LRRC4C: variants seen among roughly 807,000 people sequenced by gnomAD.
LRRC4C encodes leucine rich repeat containing 4C, also known as leucine-rich repeat-containing protein 4C.
LRRC4C carries 5 observed loss-of-function variants against 33.6 expected under a neutral mutation model. The ratio of observed to expected loss-of-function variants is 0.15; its 90% CI spans 0.08 to 0.31. The LOEUF is 0.31. LRRC4C is among the 10% of genes least tolerant of loss of function. LRRC4C has a pLI of 1.00. For missense variants in LRRC4C, 560 were observed against 796.7 expected, an observed-to-expected ratio of 0.70 and a Z score of 3.58; for synonymous variants, 329 against 302.0, an observed-to-expected ratio of 1.09 and a Z score of -0.93.
intron 2 of LRRC4C, among the ~76,000 whole-genome samples, chr11:40,928,279 T>C (rs985564100): frequency 6.6e-6 from 1 of 150,790 alleles, no homozygotes; most frequent in African/African-American, 2.4e-5. Context: ...TATATATTTC[T>C]AAAATAAATA....
intron 3 of LRRC4C, among the ~76,000 whole-genome samples, chr11:40,412,198 TA>T (rs1259938690): frequency 6.6e-6 from 1 of 152,044 alleles, no homozygotes; most frequent in Non-Finnish European, 1.5e-5. Context: ...AATTTTGTCT[TA>T]AAAAACTGCA....
chr11:41,083,045 C>T (rs1939695103), intron 1 of LRRC4C, among the ~76,000 whole-genome samples: 1 of 152,066 alleles, frequency 6.6e-6, no homozygotes, highest in East Asian at 1.9e-4. Context: ...AGAAGCCCTA[C>T]AAGCCTACTA....
At chr11:40,998,220 T>C (rs1854117850) in intron 1 of LRRC4C, among the ~76,000 whole-genome samples, 1 of 151,310 alleles carries the variant, frequency 6.6e-6, no homozygotes, top group South Asian at 2.1e-4. Flanking sequence ...TTTAAAAATA[T>C]TAAAATTGAT....
intron 3 of LRRC4C, among the ~76,000 whole-genome samples, chr11:40,340,512 T>C (rs947622024): frequency 4.6e-5 from 7 of 152,150 alleles, no homozygotes; most frequent in Non-Finnish European, 1.0e-4. Context: ...ATTTGGAATA[T>C]AATATTAATA....
chr11:40,348,678 A>T (rs1447727985), intron 3 of LRRC4C, among the ~76,000 whole-genome samples: 1 of 152,176 alleles, frequency 6.6e-6, no homozygotes, highest in East Asian at 1.9e-4. Context: ...ACCCATGCAA[A>T]CTAAAAGATG....
intron 2 of LRRC4C, among the ~76,000 whole-genome samples, chr11:40,653,535 A>G (rs1942928778): frequency 6.6e-6 from 1 of 152,232 alleles, no homozygotes; most frequent in Non-Finnish European, 1.5e-5. Context: ...TCTAAGCAAC[A>G]AAGCATTCAA....
intron 1 of LRRC4C, among the ~76,000 whole-genome samples, chr11:41,406,631 T>G (rs1591447769): frequency 6.6e-6 from 1 of 151,626 alleles, no homozygotes; most frequent in Admixed American, 6.6e-5. Flanking sequence ...CATCTCATAT[T>G]ACTAGGTTTT....
chr11:40,990,899 G>C (rs1277653344), intron 1 of LRRC4C, among the ~76,000 whole-genome samples: 1 of 151,530 alleles, frequency 6.6e-6, no homozygotes, highest in Non-Finnish European at 1.5e-5. Context: ...TTTTATACAA[G>C]GAAGTACAAA....
chr11:40,252,729 T>C (rs1866886793), intron 4 of LRRC4C, among the ~76,000 whole-genome samples: 1 of 152,178 alleles, frequency 6.6e-6, no homozygotes, highest in African/African-American at 2.4e-5. Context: ...AAAATTCCTA[T>C]ATGGCTCCAA....
chr11:41,011,582 G>C (rs945177266), intron 1 of LRRC4C, among the ~76,000 whole-genome samples: 1 of 151,736 alleles, frequency 6.6e-6, no homozygotes, highest in Non-Finnish European at 1.5e-5. Flanking sequence ...TTAACAAAGG[G>C]TGTATGGTTA....
At chr11:41,006,974 T>A (rs1167347392) in intron 1 of LRRC4C, among the ~76,000 whole-genome samples, 1 of 152,140 alleles carries the variant, frequency 6.6e-6, no homozygotes, top group Non-Finnish European at 1.5e-5. Flanking sequence ...ATTAAATGAT[T>A]GCCCCAAAGG....
At chr11:41,180,814 T>A (rs139712031) in intron 1 of LRRC4C, among the ~76,000 whole-genome samples, 1 of 151,978 alleles carries the variant, frequency 6.6e-6, no homozygotes, top group South Asian at 2.1e-4. Flanking sequence ...TCCTAAGATA[T>A]CTTCTGCTAT....
At chr11:41,256,534 A>T (rs1367734617) in intron 1 of LRRC4C, among the ~76,000 whole-genome samples, 1 of 152,036 alleles carries the variant, frequency 6.6e-6, no homozygotes, top group Admixed American at 6.6e-5. Context: ...GAAAGTGGTT[A>T]CAGCAAACCC....
chr11:41,223,266 G>T (rs997760688), intron 1 of LRRC4C, among the ~76,000 whole-genome samples: 1 of 152,140 alleles, frequency 6.6e-6, no homozygotes, highest in Non-Finnish European at 1.5e-5. Flanking sequence ...TGGCTGAAAG[G>T]TTCTGAGTTT....
At position 41,279,369 on chromosome 11, in the gene LRRC4C, TACACACACACAAACACACAC is replaced by T. The variant is rs1192543668; in HGVS notation, c.-496+180042_-496+180061del. 1.1e-4 allele frequency among the ~76,000 whole-genome samples: 9 copies of T among 85,014 alleles called. No homozygotes were observed. The South Asian group carries it at 1.5e-3, about 14-fold the overall frequency. The allele number at this position is 85,014 out of a possible 152,430, so 55.8% of individuals were successfully genotyped here. On this transcript the variant is annotated intron_variant, in intron 1 of 6. Transcript: ENST00000528697. Reference sequence around the variant, plus strand: ...TCATCTCTCATTCCATCCCATCACATACACACACACAAACACACACACACACACACACACACACACACACA... The same window carrying T: ...TCATCTCTCATTCCATCCCATCACATACACACACACACACACACACACACA...
intron 2 of LRRC4C, among the ~76,000 whole-genome samples, chr11:40,762,598 A>T (rs888895150): frequency 6.6e-6 from 1 of 152,118 alleles, no homozygotes; most frequent in Non-Finnish European, 1.5e-5. Flanking sequence ...ATATGCCAAC[A>T]TGAATAAAAA....
chr11:41,020,127 T>C (rs1166917580), intron 1 of LRRC4C, among the ~76,000 whole-genome samples: 1 of 152,172 alleles, frequency 6.6e-6, no homozygotes, highest in East Asian at 1.9e-4. Context: ...AACTACTGGA[T>C]TGATTTTTCC....
chr11:41,268,912 C>A (rs1949235730), intron 1 of LRRC4C, among the ~76,000 whole-genome samples: 1 of 151,752 alleles, frequency 6.6e-6, no homozygotes. Context: ...CATAAATGCA[C>A]AAAATCTACA....
chr11:41,099,506 G>A (rs1941031748), intron 1 of LRRC4C, among the ~76,000 whole-genome samples: 1 of 152,082 alleles, frequency 6.6e-6, no homozygotes, highest in South Asian at 2.1e-4. Context: ...GATCAAGTAG[G>A]TTTTATCTCT....
Sources: allele counts gnomAD v4.1 joint callset (sites outside exome capture counted in the v4.1 genomes callset), GRCh38; gene constraint gnomAD v4.1.1; transcripts MANE v1.5; gene names NCBI Gene and HGNC (gene_info 2026-07-23, HGNC 2026-07-21).